TOM1L2: variants seen among roughly 807,000 people sequenced by gnomAD.
The protein encoded by TOM1L2 is target of myb1 like 2 membrane trafficking protein.
In TOM1L2, 31 loss-of-function variants were observed where a neutral mutation model predicts 67.9. The ratio of observed to expected loss-of-function variants is 0.46; its 90% CI spans 0.34 to 0.62. The LOEUF (loss-of-function observed/expected upper bound fraction) is 0.62. Ranked by LOEUF, TOM1L2 falls within the 20% of genes least tolerant of loss-of-function variation. The pLI, the probability that TOM1L2 is intolerant of heterozygous loss-of-function variation, is 0.01. For missense variants in TOM1L2, 606 were observed against 663.5 expected (o/e 0.91, Z 0.95); for synonymous variants, 256 against 254.0 (o/e 1.01, Z -0.07).
chr17:17,868,997 AG>A (rs2037001376), intron 8 of TOM1L2: 1 of 203,416 alleles, frequency 4.9e-6, no homozygotes, highest in Non-Finnish European at 1.0e-5. Flanking sequence ...GGATCATCAA[AG>A]GAGCAGGTGC....
At chr17:17,921,775 T>C (rs12940786) in intron 1 of TOM1L2, among the ~76,000 whole-genome samples, 1 of 152,030 alleles carries the variant, frequency 6.6e-6, no homozygotes, top group Non-Finnish European at 1.5e-5. Flanking sequence ...GGGATTCACC[T>C]GTCCTGTCTT....
intron 1 of TOM1L2, among the ~76,000 whole-genome samples, chr17:17,963,974 A>C (rs2041790614): frequency 6.6e-6 from 1 of 152,214 alleles, no homozygotes; most frequent in Non-Finnish European, 1.5e-5. Context: ...AGAAGAGCCA[A>C]ATGAATGATA....
intron 3 of TOM1L2, among the ~76,000 whole-genome samples, chr17:17,897,183 G>C (rs1270671831): frequency 2.0e-5 from 3 of 152,186 alleles, no homozygotes; most frequent in Non-Finnish European, 4.4e-5. Context: ...TGATATATTA[G>C]AGCTCATTCC....
At chr17:17,869,014 C>T in intron 8 of TOM1L2, 1 of 254,554 alleles carries the variant, frequency 3.9e-6, no homozygotes, top group East Asian at 7.9e-5. Context: ...GGTGCAGAAG[C>T]TCTGGGGCCC....
At chr17:17,854,342 G>A (rs1436108067) in intron 12 of TOM1L2, among the ~76,000 whole-genome samples, 1 of 152,148 alleles carries the variant, frequency 6.6e-6, no homozygotes. Flanking sequence ...GGGGCACTGC[G>A]CTGAGTCTTA....
intron 1 of TOM1L2, among the ~76,000 whole-genome samples, chr17:17,952,376 CTTT>C (rs60388742): frequency 7.6e-4 from 61 of 79,826 alleles, no homozygotes; most frequent in East Asian, 5.2e-3. Context: ...TCTTTATTTT[CTTT>C]TTTTTTTTTT....
intron 1 of TOM1L2, among the ~76,000 whole-genome samples, chr17:17,942,547 GT>G (rs1568339327): frequency 6.6e-6 from 1 of 152,116 alleles, no homozygotes; most frequent in African/African-American, 2.4e-5. Context: ...GGGCCGATAT[GT>G]ATGGGCCGAT....
chr17:17,880,105 G>T (rs1164464130), intron 6 of TOM1L2, among the ~76,000 whole-genome samples: 1 of 152,158 alleles, frequency 6.6e-6, no homozygotes, highest in Non-Finnish European at 1.5e-5. Flanking sequence ...TTCCGTTCCT[G>T]CTCTTTAAAA....
intron 1 of TOM1L2, among the ~76,000 whole-genome samples, chr17:17,964,758 AAAAT>A (rs371034710): frequency 3.3e-5 from 5 of 152,336 alleles, no homozygotes; most frequent in Non-Finnish European, 7.3e-5. Flanking sequence ...TGTCTCAAAA[AAAAT>A]AAATAAATAA....
At chr17:17,955,973 G>A (rs762348623) in intron 1 of TOM1L2, among the ~76,000 whole-genome samples, 3 of 152,144 alleles carry the variant, frequency 2.0e-5, no homozygotes, top group East Asian at 3.8e-4. Context: ...CAATGGGTTC[G>A]TGGTCTGCGC....
At chr17:17,897,988 C>T (rs371248512) in intron 3 of TOM1L2, among the ~76,000 whole-genome samples, 1 of 144,184 alleles carries the variant, frequency 6.9e-6, no homozygotes. Context: ...TGCAGTGGTG[C>T]GATCTCAGCT....
chr17:17,970,069 T>A (rs1033058120), intron 1 of TOM1L2, among the ~76,000 whole-genome samples: 1 of 152,148 alleles, frequency 6.6e-6, no homozygotes, highest in South Asian at 2.1e-4. Flanking sequence ...TTTGTTTGTT[T>A]TTTGAGACAG....
intron 1 of TOM1L2, among the ~76,000 whole-genome samples, chr17:17,942,745 T>C (rs1023071750): frequency 6.6e-6 from 1 of 152,164 alleles, no homozygotes; most frequent in African/African-American, 2.4e-5. Flanking sequence ...ATTACAATGG[T>C]ACTATAAGCA....
chr17:17,901,768 A>ACCC (rs2038868168), intron 2 of TOM1L2, among the ~76,000 whole-genome samples: 1 of 152,230 alleles, frequency 6.6e-6, no homozygotes, highest in Non-Finnish European at 1.5e-5. Flanking sequence ...GGCCATGTAA[A>ACCC]TGACCCAGGT....
chr17:17,898,603 G>A lies in TOM1L2; in HGVS notation c.209C>T (p.Ala70Val). Reference sequence around the variant, plus strand: ...AAGGAGAATAGCACTCACTGTTAATGCCAGCATCACCTCTCTGTAGTTCCG... The same window carrying A: ...AAGGAGAATAGCACTCACTGTTAATACCAGCATCACCTCTCTGTAGTTCCG... ...GNRNYREVML[A>V]LTVLETCVKN... The change falls in exon 3 of 15, where the codon GCA becomes GTA. Residue 70 changes from alanine to valine, a missense_variant. Physicochemically the swap from Ala to Val is moderately conservative, Grantham distance 64. Around this residue, in one of 2 missense-constraint regions of TOM1L2, gnomAD observed 63 missense variants for 109.5 expected, o/e 0.58. Transcript: ENST00000379504. The A allele has an allele frequency of 6.2e-7, 1 of 1,614,190 alleles. No individual in the cohort carries two copies. The highest frequency in any genetic ancestry group is 2.2e-5 in the East Asian group (1 of 44,890).
At chr17:17,947,284 A>C (rs376806732) in intron 1 of TOM1L2, among the ~76,000 whole-genome samples, 1 of 152,096 alleles carries the variant, frequency 6.6e-6, no homozygotes, top group East Asian at 1.9e-4. Flanking sequence ...TCAGCCTCCC[A>C]AAGTGCTGGG....
At chr17:17,902,154 C>T (rs1188236456) in intron 2 of TOM1L2, among the ~76,000 whole-genome samples, 2 of 152,038 alleles carry the variant, frequency 1.3e-5, no homozygotes, top group African/African-American at 2.4e-5. Flanking sequence ...CCAGCCTGGG[C>T]GACAAGAGCA....
intron 1 of TOM1L2, among the ~76,000 whole-genome samples, chr17:17,967,232 ACAGAATATC>A (rs2041904382): frequency 1.3e-5 from 2 of 152,280 alleles, no homozygotes; most frequent in Non-Finnish European, 2.9e-5. Context: ...AAACTCTGCA[ACAGAATATC>A]TGCTTCTTGC....
At chr17:17,912,878 C>T (rs1443501348) in intron 1 of TOM1L2, among the ~76,000 whole-genome samples, 1 of 152,172 alleles carries the variant, frequency 6.6e-6, no homozygotes, top group African/African-American at 2.4e-5. Flanking sequence ...CATGCCACTG[C>T]ACTCCAGCCG....
Sources: gnomAD v4.1 joint callset for allele counts (sites outside exome capture counted in the v4.1 genomes callset) on GRCh38, gnomAD v4.1.1 for gene constraint, gnomAD v4.1.1 regional missense constraint, MANE v1.5 for transcripts, NCBI Gene and HGNC (gene_info 2026-07-23, HGNC 2026-07-21) for gene names.